CHCT1: variants seen among roughly 807,000 people sequenced by gnomAD.
The protein encoded by CHCT1 is CHD1 helical C-terminal domain containing protein 1.
chr17:60,423,726 A>G, the CHCT1 span, among the ~76,000 whole-genome samples: 1 of 152,206 alleles, frequency 6.6e-6, no homozygotes, highest in Non-Finnish European at 1.5e-5. Context: ...TCAGCCTCCT[A>G]AAATGTTGGG....
At chr17:60,429,586 C>T in the CHCT1 span, 1 of 1,601,082 alleles carries the variant, frequency 6.2e-7, no homozygotes, top group Admixed American at 1.7e-5. Flanking sequence ...TGGGGTGATG[C>T]CTGGACCCAG....
the CHCT1 span, among the ~76,000 whole-genome samples, chr17:60,428,769 G>A: frequency 2.6e-5 from 4 of 152,082 alleles, no homozygotes; most frequent in East Asian, 1.9e-4. Flanking sequence ...CTACAGGCAT[G>A]AGCCACCGCA....
the CHCT1 span, among the ~76,000 whole-genome samples, chr17:60,427,994 C>T: frequency 6.6e-6 from 1 of 152,070 alleles, no homozygotes; most frequent in African/African-American, 2.4e-5. Context: ...TCATTAGAAT[C>T]CATTGGTTTC....
At chr17:60,422,005 C>CCACCCAGTACCCAG in the CHCT1 span, 36 of 918,576 alleles carry the variant, frequency 3.9e-5, no homozygotes, top group Non-Finnish European at 4.6e-5. Flanking sequence ...CACACACATC[C>CCACCCAGTACCCAG]CACCCAGTAC....
At chr17:60,426,176 A>C in the CHCT1 span, 3 of 1,551,708 alleles carry the variant, frequency 1.9e-6, no homozygotes, top group South Asian at 3.6e-5. Context: ...AGAATACCTA[A>C]GACCGCTGAA....
At chr17:60,421,752 T>C in the CHCT1 span, 1 of 851,518 alleles carries the variant, frequency 1.2e-6, no homozygotes, top group Non-Finnish European at 1.4e-6. Flanking sequence ...GCCCACCGCG[T>C]TTCCGCCCTC....
the CHCT1 span, among the ~76,000 whole-genome samples, chr17:60,424,900 G>A: frequency 0.042 from 6,324 of 151,900 alleles, 438 homozygotes; most frequent in African/African-American, 0.14. Context: ...CTGTTACAAG[G>A]ATACTCCCTT....
the CHCT1 span, chr17:60,422,434 G>A: frequency 6.7e-7 from 1 of 1,493,256 alleles, no homozygotes; most frequent in Non-Finnish European, 9.0e-7. Context: ...GAGCGGGGTG[G>A]GGGGCTGGGT....
chr17:60,425,917 C>T, the CHCT1 span: 4 of 1,514,498 alleles, frequency 2.6e-6, no homozygotes, highest in Non-Finnish European at 3.6e-6. Context: ...ACCCTGTCCC[C>T]TTTTCCCCAT....
chr17:60,424,650 G>A, the CHCT1 span, among the ~76,000 whole-genome samples: 3 of 152,040 alleles, frequency 2.0e-5, no homozygotes, highest in South Asian at 2.1e-4. Context: ...TTTGGGAGCC[G>A]AGGTGGGTGG....
the CHCT1 span, among the ~76,000 whole-genome samples, chr17:60,423,542 C>T: frequency 1.3e-4 from 20 of 152,088 alleles, no homozygotes; most frequent in African/African-American, 4.8e-4. Flanking sequence ...CGGCTCACTG[C>T]AACCTCCACC....
chr17:60,425,986 C>A, the CHCT1 span: 2 of 1,278,764 alleles, frequency 1.6e-6, no homozygotes, highest in Non-Finnish European at 2.2e-6. Context: ...CATTGCCCCA[C>A]TTGTCTTACT....
chr17:60,430,053 G>A, the CHCT1 span, among the ~76,000 whole-genome samples: 2 of 149,492 alleles, frequency 1.3e-5, no homozygotes, highest in South Asian at 4.3e-4. Context: ...TTGAGCTCCT[G>A]AGCTCACACA....
the CHCT1 span, chr17:60,429,387 C>T: frequency 0.023 from 36,596 of 1,613,846 alleles, 6,771 homozygotes; most frequent in African/African-American, 0.41. Context: ...TCGGATGCGC[C>T]GGAGAGGTCC....
At chr17:60,425,583 T>C in the CHCT1 span, among the ~76,000 whole-genome samples, 1 of 152,052 alleles carries the variant, frequency 6.6e-6, no homozygotes, top group Non-Finnish European at 1.5e-5. Flanking sequence ...AAGAAAGAGG[T>C]GGAATATTCT....
chr17:60,426,849 C>CGGAA, the CHCT1 span: 1 of 1,565,032 alleles, frequency 6.4e-7, no homozygotes, highest in Non-Finnish European at 8.6e-7. Flanking sequence ...CCGAGCACAG[C>CGGAA]TGAGGGTTGG....
chr17:60,426,093 T>G, the CHCT1 span: 9 of 1,489,002 alleles, frequency 6.0e-6, no homozygotes, highest in Non-Finnish European at 8.2e-6. Flanking sequence ...GTGTGCTGGA[T>G]ACCTGGGACT....
chr17:60,426,527 C>T, the CHCT1 span: 161 of 1,051,266 alleles, frequency 1.5e-4, 1 homozygote, highest in Non-Finnish European at 1.1e-4. Context: ...TGAACAACTG[C>T]GTGCAGGCGC....
chr17:60,424,445 C>T, the CHCT1 span, among the ~76,000 whole-genome samples: 275 of 152,134 alleles, frequency 1.8e-3, 4 homozygotes, highest in African/African-American at 6.2e-3. Context: ...ATATTGAAAC[C>T]GTCCCTAGAA....
Sources: allele counts gnomAD v4.1 joint callset (sites outside exome capture counted in the v4.1 genomes callset), GRCh38; gene constraint gnomAD v4.1.1; transcripts MANE v1.5; gene names NCBI Gene and HGNC (gene_info 2026-07-23, HGNC 2026-07-21).